FAM168A: variants seen among roughly 807,000 people sequenced by gnomAD.
FAM168A encodes the protein protein FAM168A.
FAM168A carries 3 observed loss-of-function variants against 28.5 expected under a neutral mutation model. The observed-to-expected ratio is 0.11, with a 90% confidence interval of 0.05 to 0.27. The LOEUF (loss-of-function observed/expected upper bound fraction) is 0.27, where lower values mean the gene tolerates loss of function less well. Among genes scored for constraint, FAM168A ranks in the 10% least tolerant of loss-of-function variants. The probability of loss-of-function intolerance (pLI) is 1.00; values close to 1 mark genes in which losing one functional copy is unlikely to be tolerated. For synonymous variants in FAM168A, 122 were observed against 124.2 expected (o/e 0.98, Z 0.12); for missense variants, 222 against 311.5 (o/e 0.71, Z 2.16).
chr11:73,560,340 G>T (rs1040894382), intron 1 of FAM168A, among the ~76,000 whole-genome samples: 1 of 151,856 alleles, frequency 6.6e-6, no homozygotes, highest in African/African-American at 2.4e-5. Flanking sequence ...TGGAATTATA[G>T]GCATGAGCAA....
At chr11:73,463,393 G>A (rs1220962560) in intron 2 of FAM168A, among the ~76,000 whole-genome samples, 2 of 152,118 alleles carry the variant, frequency 1.3e-5, no homozygotes, top group Non-Finnish European at 2.9e-5. Context: ...GGCAGATAGT[G>A]GTATTAATCA....
chr11:73,555,857 T>C (rs1331394531), intron 1 of FAM168A, among the ~76,000 whole-genome samples: 3 of 152,194 alleles, frequency 2.0e-5, no homozygotes, highest in Non-Finnish European at 4.4e-5. Context: ...ATCAACAGAA[T>C]GTAACCTCCA....
intron 2 of FAM168A, among the ~76,000 whole-genome samples, chr11:73,460,527 A>G (rs964369412): frequency 7.0e-6 from 1 of 142,320 alleles, no homozygotes; most frequent in Non-Finnish European, 1.5e-5. Flanking sequence ...TTTTTGAGAC[A>G]AAGTCTCACT....
At chr11:73,527,511 T>G (rs1943462987) in intron 1 of FAM168A, among the ~76,000 whole-genome samples, 2 of 152,216 alleles carry the variant, frequency 1.3e-5, no homozygotes, top group Non-Finnish European at 2.9e-5. Context: ...CCAATTTATT[T>G]CTCAAACCAA....
chr11:73,504,456 C>G (rs1313967373), intron 1 of FAM168A, among the ~76,000 whole-genome samples: 1 of 152,112 alleles, frequency 6.6e-6, no homozygotes, highest in African/African-American at 2.4e-5. Context: ...CAATGAGATA[C>G]CACCTCATGC....
intron 1 of FAM168A, among the ~76,000 whole-genome samples, chr11:73,595,755 C>T (rs1231096360): frequency 1.3e-5 from 2 of 152,044 alleles, no homozygotes; most frequent in African/African-American, 2.4e-5. Flanking sequence ...AACATCATTC[C>T]CCAAAAAATA....
At chr11:73,557,540 T>A (rs1009729413) in intron 1 of FAM168A, among the ~76,000 whole-genome samples, 1 of 152,152 alleles carries the variant, frequency 6.6e-6, no homozygotes, top group Non-Finnish European at 1.5e-5. Flanking sequence ...AAAATTAAGT[T>A]ATTAATTTAA....
chr11:73,584,598 G>A (rs1484917769), intron 1 of FAM168A, among the ~76,000 whole-genome samples: 5 of 150,986 alleles, frequency 3.3e-5, no homozygotes, highest in South Asian at 4.2e-4. Context: ...CTCAGCCTCC[G>A]GAATAGCCGG....
chr11:73,484,674 ATG>A (rs1868025863), intron 1 of FAM168A, among the ~76,000 whole-genome samples: 1 of 141,760 alleles, frequency 7.1e-6, no homozygotes, highest in African/African-American at 2.5e-5. Context: ...AGATATAGAT[ATG>A]TATCGCTATA....
chr11:73,541,169 C>T (rs1192328414), intron 1 of FAM168A, among the ~76,000 whole-genome samples: 1 of 151,894 alleles, frequency 6.6e-6, no homozygotes, highest in Non-Finnish European at 1.5e-5. Context: ...TGCATTACCG[C>T]ACTCCAGCCT....
At chr11:73,459,273 A>G (rs1246329796) in intron 2 of FAM168A, among the ~76,000 whole-genome samples, 2 of 151,856 alleles carry the variant, frequency 1.3e-5, no homozygotes, top group Non-Finnish European at 2.9e-5. Flanking sequence ...TTTTTGTAGA[A>G]ATGAGGTCTC....
intron 1 of FAM168A, among the ~76,000 whole-genome samples, chr11:73,562,778 A>G (rs564998303): frequency 1.3e-5 from 2 of 152,278 alleles, no homozygotes; most frequent in South Asian, 4.1e-4. Flanking sequence ...GTGAGCCAAG[A>G]TCGCACCACT....
intron 1 of FAM168A, among the ~76,000 whole-genome samples, chr11:73,571,426 T>C (rs1944088167): frequency 6.6e-6 from 1 of 151,890 alleles, no homozygotes; most frequent in Admixed American, 6.6e-5. Context: ...TCGTATTTTT[T>C]TGGTGGAGAC....
At chr11:73,424,317 A>C (rs1390971230) in intron 3 of FAM168A, among the ~76,000 whole-genome samples, 1 of 152,190 alleles carries the variant, frequency 6.6e-6, no homozygotes, top group Non-Finnish European at 1.5e-5. Context: ...AGCCCAGGTG[A>C]GGGTGGTGAA....
chr11:73,542,854 A>G (rs1383065817), intron 1 of FAM168A, among the ~76,000 whole-genome samples: 1 of 152,226 alleles, frequency 6.6e-6, no homozygotes, highest in Non-Finnish European at 1.5e-5. Context: ...ACAGACACCA[A>G]GAAGAATATG....
chr11:73,483,182 A>G (rs1267812635), intron 1 of FAM168A, among the ~76,000 whole-genome samples: 1 of 152,224 alleles, frequency 6.6e-6, no homozygotes, highest in Non-Finnish European at 1.5e-5. Flanking sequence ...CTGCCTGAGC[A>G]CATGTAAACA....
intron 1 of FAM168A, among the ~76,000 whole-genome samples, chr11:73,546,013 A>AC (rs967618003): frequency 1.3e-5 from 2 of 152,160 alleles, no homozygotes; most frequent in African/African-American, 4.8e-5. Context: ...TACATTCACT[A>AC]CCTCAATCTA....
chr11:73,474,495 C>T lies in FAM168A; in HGVS notation c.-18-6003G>A, dbSNP rs11235773. On this transcript the variant is annotated intron_variant, in intron 1 of 7. Coordinates refer to ENST00000356467, the MANE Select transcript of FAM168A (RefSeq NM_015159.3). ...TCCCTGAAAGCTGGCTCCTCAAAAG[C>T]CTGTTAAACAGACATTAAGCCCACC... is the stretch of plus-strand genomic sequence containing the variant. Among the ~76,000 whole-genome samples the T allele has an allele frequency of 4.6e-5, 7 of 152,206 alleles. No homozygotes were observed. The East Asian group carries it at 1.2e-3, about 25-fold the overall frequency.
At chr11:73,460,206 A>G (rs778487504) in intron 2 of FAM168A, among the ~76,000 whole-genome samples, 72 of 151,792 alleles carry the variant, frequency 4.7e-4, no homozygotes, top group Admixed American at 2.3e-3. Flanking sequence ...ATTCACCTAC[A>G]AAGCAGAAAA....
Sources: gnomAD v4.1 joint callset for allele counts (sites outside exome capture counted in the v4.1 genomes callset) on GRCh38, gnomAD v4.1.1 for gene constraint, MANE v1.5 for transcripts, NCBI Gene and HGNC (gene_info 2026-07-23, HGNC 2026-07-21) for gene names.